The following ADAMTSL3 variants were observed in gnomAD, a reference collection of about 807,000 sequenced individuals.
ADAMTSL3 encodes ADAMTS like 3, also known as ADAMTS-like protein 3.
In ADAMTSL3, 128 loss-of-function variants were observed where a neutral mutation model predicts 201.7. That is an observed-to-expected ratio of 0.63 (90% CI 0.55 to 0.73). The LOEUF is 0.73. ADAMTSL3 is among the 30% of genes least tolerant of loss of function. The pLI, the probability that ADAMTSL3 is intolerant of heterozygous loss-of-function variation, is 0.00. For missense variants in ADAMTSL3, 1,990 were observed against 2,119.6 expected, an observed-to-expected ratio of 0.94 and a Z score of 1.20; for synonymous variants, 738 against 748.4, an observed-to-expected ratio of 0.99 and a Z score of 0.23.
chr15:84,035,235 G>A (rs1157848580), intron 28 of ADAMTSL3, among the ~76,000 whole-genome samples: 2 of 152,076 alleles, frequency 1.3e-5, no homozygotes, highest in Admixed American at 1.3e-4. Flanking sequence ...ACAATCCTTT[G>A]GGCTAGAAGC....
At chr15:83,990,096 C>T (rs1362595193) in intron 22 of ADAMTSL3, among the ~76,000 whole-genome samples, 2 of 152,206 alleles carry the variant, frequency 1.3e-5, no homozygotes, top group African/African-American at 4.8e-5. Flanking sequence ...CTCTGAACCA[C>T]ACATTGGGTG....
intron 6 of ADAMTSL3, among the ~76,000 whole-genome samples, chr15:83,826,211 T>C (rs1478021344): frequency 6.6e-6 from 1 of 152,018 alleles, no homozygotes; most frequent in Non-Finnish European, 1.5e-5. Context: ...GCTCAAGTAA[T>C]CCTCCCAACC....
At chr15:83,848,199 CA>C (rs1193434410) in intron 7 of ADAMTSL3, among the ~76,000 whole-genome samples, 2 of 151,614 alleles carry the variant, frequency 1.3e-5, no homozygotes, top group African/African-American at 4.8e-5. Context: ...ATAAACAAAA[CA>C]AAAATAGAAA....
At position 83,875,127 on chromosome 15, in the gene ADAMTSL3, G is replaced by C. The variant is rs532208920; in HGVS notation, c.960+4168G>C. On this transcript the variant is annotated intron_variant, in intron 9 of 29. Coordinates refer to ENST00000286744, the MANE Select transcript of ADAMTSL3 (RefSeq NM_207517.3). Reference sequence around the variant, plus strand: ...AAATGCCTGTGAGAAAAAAGAGGGAGAGAAAGCAGGGTGATGCTGAGAGAG... The same window carrying C: ...AAATGCCTGTGAGAAAAAAGAGGGACAGAAAGCAGGGTGATGCTGAGAGAG... 2.0e-5 allele frequency among the ~76,000 whole-genome samples: 3 copies of C among 152,344 alleles called. No homozygotes were observed. In the East Asian group the frequency reaches 5.8e-4, roughly 29 times the overall value.
chr15:83,797,108 A>G (rs1362858645), intron 4 of ADAMTSL3, among the ~76,000 whole-genome samples: 1 of 152,210 alleles, frequency 6.6e-6, no homozygotes, highest in Admixed American at 6.5e-5. Flanking sequence ...AAGAAAAGCC[A>G]TAGAGTGGAA....
At chr15:83,929,291 C>T (rs1441992151) in intron 17 of ADAMTSL3, among the ~76,000 whole-genome samples, 1 of 152,126 alleles carries the variant, frequency 6.6e-6, no homozygotes, top group African/African-American at 2.4e-5. Flanking sequence ...GACCAGAAGT[C>T]CAAAATTAAG....
chr15:83,773,450 G>C (rs1363995360), intron 3 of ADAMTSL3, 73 bp from the exon 4 acceptor site: 6 of 1,513,634 alleles, frequency 4.0e-6, no homozygotes, highest in Middle Eastern at 2.0e-4. Flanking sequence ...GGAAGATTTG[G>C]GATATTTCTA....
intron 20 of ADAMTSL3, among the ~76,000 whole-genome samples, chr15:83,977,635 A>G (rs1311228054): frequency 6.6e-6 from 1 of 152,198 alleles, no homozygotes; most frequent in Non-Finnish European, 1.5e-5. Context: ...AGACTTCTTC[A>G]TGAAGTGAGT....
intron 19 of ADAMTSL3, among the ~76,000 whole-genome samples, chr15:83,968,240 C>T (rs1052492283): frequency 6.6e-6 from 1 of 152,178 alleles, no homozygotes; most frequent in Non-Finnish European, 1.5e-5. Context: ...ATCAGACTAA[C>T]AGGCAACCTA....
intron 23 of ADAMTSL3, among the ~76,000 whole-genome samples, chr15:84,001,894 G>A (rs978357255): frequency 3.3e-5 from 5 of 152,218 alleles, no homozygotes; most frequent in African/African-American, 9.6e-5. Flanking sequence ...TGCAGCAGTG[G>A]GAAAGAATGT....
chr15:83,938,312 C>G (rs2066496153), intron 17 of ADAMTSL3, among the ~76,000 whole-genome samples: 1 of 152,184 alleles, frequency 6.6e-6, no homozygotes, highest in African/African-American at 2.4e-5. Context: ...CTGGTCACAT[C>G]TAACTATATG....
chr15:83,884,997 G>C, intron 9 of ADAMTSL3, 104 bp from the exon 10 acceptor site: 1 of 685,978 alleles, frequency 1.5e-6, no homozygotes, highest in Non-Finnish European at 2.5e-6. Context: ...TCTAATGGAT[G>C]GGTGGTTGTC....
intron 6 of ADAMTSL3, among the ~76,000 whole-genome samples, chr15:83,836,478 C>A (rs886515891): frequency 6.6e-6 from 1 of 152,118 alleles, no homozygotes; most frequent in Admixed American, 6.6e-5. Flanking sequence ...CCTTCAACAC[C>A]AAAATGTTGG....
intron 6 of ADAMTSL3, among the ~76,000 whole-genome samples, chr15:83,837,498 G>A (rs1407214169): frequency 6.6e-6 from 1 of 152,072 alleles, no homozygotes; most frequent in Non-Finnish European, 1.5e-5. Context: ...AAAAATGCCT[G>A]GGCTGGGCAG....
At chr15:83,993,648 A>T (rs954752117) in intron 23 of ADAMTSL3, among the ~76,000 whole-genome samples, 1 of 152,138 alleles carries the variant, frequency 6.6e-6, no homozygotes, top group African/African-American at 2.4e-5. Context: ...ATTCTTAGAG[A>T]TATTTCTTTT....
chr15:83,715,253 G>A (rs909999551), intron 3 of ADAMTSL3, among the ~76,000 whole-genome samples: 14 of 152,234 alleles, frequency 9.2e-5, no homozygotes, highest in African/African-American at 3.1e-4. Flanking sequence ...GTGACTGATG[G>A]CCCTTAATAT....
At chr15:83,842,954 A>G (rs1032100223) in intron 7 of ADAMTSL3, among the ~76,000 whole-genome samples, 1 of 152,252 alleles carries the variant, frequency 6.6e-6, no homozygotes, top group Non-Finnish European at 1.5e-5. Flanking sequence ...TAATTGAACC[A>G]GGGTAAATGC....
chr15:83,843,771 G>T (rs989399919), intron 7 of ADAMTSL3, among the ~76,000 whole-genome samples: 3 of 152,174 alleles, frequency 2.0e-5, no homozygotes, highest in African/African-American at 7.2e-5. Context: ...GCTGCACACA[G>T]AATATCATTT....
intron 4 of ADAMTSL3, among the ~76,000 whole-genome samples, chr15:83,803,787 A>C (rs1473838080): frequency 6.6e-6 from 1 of 152,302 alleles, no homozygotes; most frequent in Non-Finnish European, 1.5e-5. Context: ...TACCAGTATT[A>C]GCATCCCAAA....
Sources: gnomAD v4.1 joint callset for allele counts (sites outside exome capture counted in the v4.1 genomes callset) on GRCh38, gnomAD v4.1.1 for gene constraint, MANE v1.5 for transcripts, NCBI Gene and HGNC (gene_info 2026-07-23, HGNC 2026-07-21) for gene names.